The following CHRM3 variants were observed in gnomAD, a reference collection of about 807,000 sequenced individuals.
CHRM3 encodes the protein muscarinic acetylcholine receptor M3.
In CHRM3, 11 loss-of-function variants were observed where a neutral mutation model predicts 41.8. That is an observed-to-expected ratio of 0.26 (90% CI 0.17 to 0.44). The LOEUF is 0.44. Among genes scored for constraint, CHRM3 ranks in the 20% least tolerant of loss-of-function variants. CHRM3 has a pLI of 1.00. For synonymous variants in CHRM3, 297 were observed against 301.4 expected (o/e 0.99, Z 0.15); for missense variants, 571 against 745.4 (o/e 0.77, Z 2.72).
chr1:239,758,477 A>T (rs1385112623), intron 5 of CHRM3, among the ~76,000 whole-genome samples: 1 of 152,228 alleles, frequency 6.6e-6, no homozygotes, highest in African/African-American at 2.4e-5. Context: ...GCACATTTAC[A>T]TGAAAATGGT....
At chr1:239,477,553 A>C (rs1402688663) in intron 1 of CHRM3, among the ~76,000 whole-genome samples, 1 of 152,182 alleles carries the variant, frequency 6.6e-6, no homozygotes. Flanking sequence ...AGAAGAAATG[A>C]GCCAACTTTT....
intron 6 of CHRM3, among the ~76,000 whole-genome samples, chr1:239,861,236 T>A (rs977366374): frequency 9.9e-5 from 15 of 152,048 alleles, no homozygotes; most frequent in Middle Eastern, 3.2e-3. Flanking sequence ...TAAATAAACA[T>A]AAAAATCACA....
At chr1:239,390,836 A>G in intron 1 of CHRM3, among the ~76,000 whole-genome samples, 1 of 152,214 alleles carries the variant, frequency 6.6e-6, no homozygotes, top group East Asian at 1.9e-4. Flanking sequence ...CTTCAATGCA[A>G]GAAATAAAAA....
chr1:239,610,337 G>A (rs1385595069), intron 3 of CHRM3, among the ~76,000 whole-genome samples: 1 of 151,834 alleles, frequency 6.6e-6, no homozygotes, highest in Non-Finnish European at 1.5e-5. Flanking sequence ...ATCAGTTCTA[G>A]TATTACTATT....
At chr1:239,431,028 G>A (rs1324684085) in intron 1 of CHRM3, among the ~76,000 whole-genome samples, 5 of 151,920 alleles carry the variant, frequency 3.3e-5, no homozygotes, top group African/African-American at 1.2e-4. Context: ...TAATCTCTGT[G>A]CCCCATCCAT....
intron 2 of CHRM3, among the ~76,000 whole-genome samples, chr1:239,513,641 A>G (rs777861093): frequency 3.3e-5 from 5 of 152,162 alleles, no homozygotes; most frequent in Non-Finnish European, 5.9e-5. Context: ...ATGAAGTTCA[A>G]CTTGTCAATT....
chr1:239,686,659 C>T (rs947609008), intron 5 of CHRM3, among the ~76,000 whole-genome samples: 4 of 152,164 alleles, frequency 2.6e-5, no homozygotes, highest in African/African-American at 9.7e-5. Context: ...CCATATTCAT[C>T]ATAGTACTTT....
chr1:239,681,029 G>A (rs988567006), intron 5 of CHRM3, among the ~76,000 whole-genome samples: 2 of 152,094 alleles, frequency 1.3e-5, no homozygotes, highest in African/African-American at 2.4e-5. Context: ...AAATGAGGAG[G>A]AAGCAAAAGC....
chr1:239,721,960 G>A (rs1370139563), intron 5 of CHRM3, among the ~76,000 whole-genome samples: 1 of 151,790 alleles, frequency 6.6e-6, no homozygotes, highest in Non-Finnish European at 1.5e-5. Flanking sequence ...TTTAAAAGGG[G>A]TGAAATGTGT....
Position 239,742,809 on chromosome 1 carries a change from A to T in CHRM3, c.-147+64521A>T, listed in dbSNP as rs1035928480. On this transcript the variant is annotated intron_variant, in intron 5 of 6. Transcript: ENST00000676153. The stretch of plus-strand genomic sequence containing the variant: ...GGAAAACAAGAGCCTGGTGTCATTT[A>T]AAAATCTCTAACAAGATTCACTCAG... Among the ~76,000 whole-genome samples the T allele has an allele frequency of 1.1e-4, 16 of 152,252 alleles. 1 individual carries two copies. The highest frequency in any genetic ancestry group is 1.5e-5 in the Non-Finnish European group (1 of 68,046).
chr1:239,592,485 C>G (rs188304738), intron 3 of CHRM3, among the ~76,000 whole-genome samples: 1 of 152,270 alleles, frequency 6.6e-6, no homozygotes, highest in Admixed American at 6.5e-5. Context: ...TTTTCTGACT[C>G]TATAGATATC....
chr1:239,650,238 G>C (rs1558419795), intron 4 of CHRM3, among the ~76,000 whole-genome samples: 2 of 152,148 alleles, frequency 1.3e-5, no homozygotes, highest in African/African-American at 4.8e-5. Context: ...TCTTCTTATA[G>C]GCAGGGTGAA....
At chr1:239,903,800 A>G (rs1236703744) in intron 6 of CHRM3, among the ~76,000 whole-genome samples, 1 of 152,200 alleles carries the variant, frequency 6.6e-6, no homozygotes, top group Non-Finnish European at 1.5e-5. Context: ...TCTCATTCCA[A>G]CATCCACATC....
At chr1:239,691,586 C>G (rs1448035750) in intron 5 of CHRM3, among the ~76,000 whole-genome samples, 1 of 152,118 alleles carries the variant, frequency 6.6e-6, no homozygotes, top group Admixed American at 6.5e-5. Flanking sequence ...GAAGCTGTGG[C>G]CCTCACGCCT....
chr1:239,771,291 C>T (rs376737854), intron 5 of CHRM3, among the ~76,000 whole-genome samples: 6 of 152,082 alleles, frequency 3.9e-5, no homozygotes, highest in African/African-American at 1.2e-4. Context: ...AGCCTCCTTC[C>T]GTTTGCACCT....
At chr1:239,410,887 T>C (rs191929765) in intron 1 of CHRM3, among the ~76,000 whole-genome samples, 18 of 152,364 alleles carry the variant, frequency 1.2e-4, no homozygotes, top group African/African-American at 4.3e-4. Context: ...CACGATTTCA[T>C]TTATCTTCCA....
At chr1:239,583,876 C>G (rs1052098500) in intron 3 of CHRM3, among the ~76,000 whole-genome samples, 4 of 151,914 alleles carry the variant, frequency 2.6e-5, no homozygotes, top group Admixed American at 1.3e-4. Flanking sequence ...AAAAAAAATG[C>G]TTTAAATTAT....
rs1201186713 is a variant in CHRM3, at chr1:239,859,825, A to ATATATATT, written c.-20+32454_-20+32455insTTATATAT. 7.0e-3 allele frequency among the ~76,000 whole-genome samples: 269 copies of ATATATATT among 38,468 alleles called. 2 individuals are homozygous for ATATATATT. Among genetic ancestry groups the ATATATATT allele is most frequent in the African/African-American group, 0.012 (255 of 21,870 alleles). The allele number at this position is 38,468 out of a possible 152,430, so 25.2% of individuals were successfully genotyped here. ...TATATAAGTTCTAAGTGTTTTATAT[A>ATATATATT]TATATATATATATATATATATATAT... On this transcript the variant is annotated intron_variant, in intron 6 of 6. Transcript: ENST00000676153.
chr1:239,905,272 TTACACA>T (rs1311924886), intron 6 of CHRM3, among the ~76,000 whole-genome samples: 1 of 152,162 alleles, frequency 6.6e-6, no homozygotes, highest in African/African-American at 2.4e-5. Flanking sequence ...AGCCTCACAG[TTACACA>T]TGGAGGCTGT....
Sources: gnomAD v4.1 joint callset for allele counts (sites outside exome capture counted in the v4.1 genomes callset) on GRCh38, gnomAD v4.1.1 for gene constraint, MANE v1.5 for transcripts, NCBI Gene and HGNC (gene_info 2026-07-23, HGNC 2026-07-21) for gene names.